HNRNPC: variants seen among roughly 807,000 people sequenced by gnomAD.
HNRNPC encodes heterogeneous nuclear ribonucleoprotein C, also known as heterogeneous nuclear ribonucleoproteins C1/C2.
A neutral mutation model predicts 33.2 loss-of-function variants in HNRNPC; 3 were observed. The observed-to-expected ratio is 0.09, with a 90% CI of 0.04 to 0.23. The LOEUF (loss-of-function observed/expected upper bound fraction) is 0.23. Ranked by LOEUF, HNRNPC falls within the 10% of genes least tolerant of loss-of-function variation. HNRNPC has a pLI of 1.00. For missense variants in HNRNPC, 143 were observed against 366.7 expected, an observed-to-expected ratio of 0.39 and a Z score of 4.98; for synonymous variants, 121 against 126.7, an observed-to-expected ratio of 0.96 and a Z score of 0.30.
chr14:21,263,896 A>G (rs947983431), intron 1 of HNRNPC: 2 of 152,140 alleles, frequency 1.3e-5, no homozygotes, highest in Non-Finnish European at 2.9e-5. Flanking sequence ...AACCCCCAAG[A>G]CAGAAACATC....
intron 2 of HNRNPC, among the ~76,000 whole-genome samples, chr14:21,244,298 C>T (rs534226749): frequency 1.1e-4 from 16 of 152,310 alleles, no homozygotes; most frequent in African/African-American, 1.9e-4. Context: ...CCACGCCTGC[C>T]CGCAAGTTCT....
At chr14:21,236,041 A>C (rs1406636680) in intron 2 of HNRNPC, among the ~76,000 whole-genome samples, 3 of 152,148 alleles carry the variant, frequency 2.0e-5, no homozygotes, top group Non-Finnish European at 4.4e-5. Context: ...CTCAATTTTC[A>C]CAAGTCTGAG....
chr14:21,250,320 C>CA (rs1896490610), intron 2 of HNRNPC, among the ~76,000 whole-genome samples: 3 of 151,728 alleles, frequency 2.0e-5, no homozygotes. Context: ...AATTTCCTTG[C>CA]AAATGGTTCA....
chr14:21,225,706 C>A (rs1229043560), intron 5 of HNRNPC, among the ~76,000 whole-genome samples: 1 of 152,048 alleles, frequency 6.6e-6, no homozygotes, highest in Admixed American at 6.5e-5. Context: ...AGTGATGTAT[C>A]CTTTTTCAAT....
At chr14:21,214,720 C>T (rs1891971163) in intron 5 of HNRNPC, among the ~76,000 whole-genome samples, 2 of 152,150 alleles carry the variant, frequency 1.3e-5, no homozygotes, top group African/African-American at 4.8e-5. Flanking sequence ...TGACATAAAG[C>T]TTTTGGTCTT....
chr14:21,225,980 T>C (rs1029110532), intron 5 of HNRNPC, among the ~76,000 whole-genome samples: 2 of 152,066 alleles, frequency 1.3e-5, no homozygotes, highest in African/African-American at 2.4e-5. Flanking sequence ...AAAACACATA[T>C]AGATCAAGAC....
Position 21,238,578 on chromosome 14 carries a change from G to C in HNRNPC, c.-36-4349C>G, listed in dbSNP as rs143594448. Among the ~76,000 whole-genome samples the C allele has an allele frequency of 4.1e-3, 618 of 152,278 alleles. 7 individuals carry two copies. Among genetic ancestry groups the C allele is most frequent in the African/African-American group, 0.014 (579 of 41,562 alleles). On this transcript the variant is annotated intron_variant, in intron 2 of 8. Transcript: ENST00000553300. The stretch of plus-strand genomic sequence containing the variant: ...CTTAAAACAGAAAATCCATTTGGTA[G>C]AAATTTTAAAAGGTTAATCACATTA...
intron 5 of HNRNPC, among the ~76,000 whole-genome samples, chr14:21,218,710 T>TAAAAAAAAAAAAAA (rs1892504201): frequency 4.3e-5 from 2 of 46,550 alleles, no homozygotes; most frequent in African/African-American, 1.8e-4. Context: ...AAAAAAAAAC[T>TAAAAAAAAAAAAAA]GAAATTGAGT....
At chr14:21,250,244 C>A (rs1896481264) in intron 2 of HNRNPC, among the ~76,000 whole-genome samples, 1 of 151,292 alleles carries the variant, frequency 6.6e-6, no homozygotes, top group Non-Finnish European at 1.5e-5. Flanking sequence ...CGGAGCGAGA[C>A]TCCACTTCAA....
chr14:21,245,204 T>A (rs1895834484), intron 2 of HNRNPC, among the ~76,000 whole-genome samples: 1 of 151,826 alleles, frequency 6.6e-6, no homozygotes, highest in South Asian at 2.1e-4. Flanking sequence ...TATAAAAGAT[T>A]TCAAAAATGG....
chr14:21,240,675 C>T (rs1004645531), intron 2 of HNRNPC, among the ~76,000 whole-genome samples: 14 of 152,038 alleles, frequency 9.2e-5, no homozygotes, highest in African/African-American at 3.4e-4. Context: ...AGATAGGTGC[C>T]GTTCAACCCA....
At chr14:21,246,511 A>G (rs1238423700) in intron 2 of HNRNPC, among the ~76,000 whole-genome samples, 1 of 150,994 alleles carries the variant, frequency 6.6e-6, no homozygotes, top group Non-Finnish European at 1.5e-5. Flanking sequence ...GCTTGCAGTG[A>G]GCTGGAGATT....
At chr14:21,268,682 G>C (rs1030882087) in intron 1 of HNRNPC, 5 of 152,156 alleles carry the variant, frequency 3.3e-5, no homozygotes, top group Admixed American at 2.6e-4. Context: ...CAGATGAAAA[G>C]TCAGCTGTAA....
chr14:21,241,440 T>A (rs1895333337), intron 2 of HNRNPC, among the ~76,000 whole-genome samples: 1 of 152,208 alleles, frequency 6.6e-6, no homozygotes, highest in Non-Finnish European at 1.5e-5. Flanking sequence ...GTCAATTTTC[T>A]AAAAGGTTTA....
intron 2 of HNRNPC, among the ~76,000 whole-genome samples, chr14:21,247,428 A>G (rs1355883402): frequency 6.6e-6 from 1 of 152,148 alleles, no homozygotes; most frequent in African/African-American, 2.4e-5. Context: ...ACATATTTCA[A>G]TTTTTGAACA....
intron 1 of HNRNPC, among the ~76,000 whole-genome samples, chr14:21,268,850 G>A (rs1879458779): frequency 6.6e-6 from 1 of 152,080 alleles, no homozygotes; most frequent in Non-Finnish European, 1.5e-5. Context: ...CACGCGGCAC[G>A]ATCCAGGATT....
chr14:21,228,417 A>T (rs994170016), intron 5 of HNRNPC, among the ~76,000 whole-genome samples: 1 of 152,118 alleles, frequency 6.6e-6, no homozygotes, highest in Non-Finnish European at 1.5e-5. Flanking sequence ...TTTGAGAAGG[A>T]GTCTCACTCT....
chr14:21,232,369 T>C (rs1894209374), intron 3 of HNRNPC, among the ~76,000 whole-genome samples: 2 of 152,102 alleles, frequency 1.3e-5, no homozygotes, highest in Admixed American at 6.5e-5. Flanking sequence ...CCTCAAACCA[T>C]TAACTAGATG....
At chr14:21,222,389 T>C in intron 5 of HNRNPC, among the ~76,000 whole-genome samples, 1 of 151,668 alleles carries the variant, frequency 6.6e-6, no homozygotes, top group Non-Finnish European at 1.5e-5. Flanking sequence ...TTTTTGTTTT[T>C]TTTTCCTGTA....
Sources: allele counts gnomAD v4.1 joint callset (sites outside exome capture counted in the v4.1 genomes callset), GRCh38; gene constraint gnomAD v4.1.1; transcripts MANE v1.5; gene names NCBI Gene and HGNC (gene_info 2026-07-23, HGNC 2026-07-21).